The following MUCL1 variants were observed in gnomAD, a reference collection of about 807,000 sequenced individuals.
MUCL1 encodes mucin-like protein 1.
A neutral mutation model predicts 9.2 loss-of-function variants in MUCL1; 11 were observed. The observed-to-expected ratio is 1.19, with a 90% CI of 0.75 to 1.97. The LOEUF (loss-of-function observed/expected upper bound fraction) is 1.97, where lower values mean the gene tolerates loss of function less well. Among genes scored for constraint, MUCL1 ranks in the 30% most tolerant of loss-of-function variants. MUCL1 has a pLI of 0.00. For missense variants in MUCL1, 144 were observed against 110.9 expected (o/e 1.30, Z -1.34); for synonymous variants, 48 against 40.5 (o/e 1.19, Z -0.71).
chr12:54,850,510 T>A (rs1480885597), upstream of MUCL1, among the ~76,000 whole-genome samples: 3 of 152,108 alleles, frequency 2.0e-5, no homozygotes, highest in Admixed American at 2.0e-4. Context: ...TATGGCTACA[T>A]AGTATTCCAT....
intron 1 of MUCL1, among the ~76,000 whole-genome samples, chr12:54,848,986 G>T (rs1959296529): frequency 6.6e-6 from 1 of 152,162 alleles, no homozygotes; most frequent in Non-Finnish European, 1.5e-5. Context: ...AATAGCAAAA[G>T]AATACAAATG....
At chr12:54,849,456 T>TA (rs1315881782) in intron 1 of MUCL1, among the ~76,000 whole-genome samples, 1 of 152,068 alleles carries the variant, frequency 6.6e-6, no homozygotes, top group Non-Finnish European at 1.5e-5. Context: ...TTAATTTTTA[T>TA]AAAAAATACA....
upstream of MUCL1, among the ~76,000 whole-genome samples, chr12:54,852,238 A>G (rs10783682): frequency 0.45 from 68,734 of 151,960 alleles, 16,520 homozygotes; most frequent in East Asian, 0.84. Context: ...GAGGCATCAC[A>G]CTACCTGACT....
At chr12:54,836,336 T>C (rs1959193041), upstream of MUCL1, among the ~76,000 whole-genome samples, 1 of 152,218 alleles carries the variant, frequency 6.6e-6, no homozygotes, top group Non-Finnish European at 1.5e-5. Context: ...GTTGTATGTT[T>C]CTAGAAATTT....
At chr12:54,854,508 C>T (rs1868284349), upstream of MUCL1, 3 of 1,212,214 alleles carry the variant, frequency 2.5e-6, no homozygotes, top group Admixed American at 3.9e-5. Context: ...ATGTGGAATC[C>T]TGAAGTCAGC....
At chr12:54,841,289 C>T (rs75832708) in intron 1 of MUCL1, among the ~76,000 whole-genome samples, 4,017 of 152,220 alleles carry the variant, frequency 0.026, 170 homozygotes, top group African/African-American at 0.092. Flanking sequence ...TGTTGTAGAA[C>T]GATGCTGCAA....
chr12:54,841,459 A>C (rs578023334), intron 1 of MUCL1, among the ~76,000 whole-genome samples: 1 of 152,232 alleles, frequency 6.6e-6, no homozygotes, highest in East Asian at 1.9e-4. Context: ...CACTCCTACA[A>C]ACAGTATACA....
At chr12:54,838,376 T>C (rs1959196834), upstream of MUCL1, among the ~76,000 whole-genome samples, 1 of 152,208 alleles carries the variant, frequency 6.6e-6, no homozygotes, top group Admixed American at 6.5e-5. Flanking sequence ...TCCTTCACAT[T>C]GACTTTAGAT....
At chr12:54,837,995 G>A (rs917078957), upstream of MUCL1, among the ~76,000 whole-genome samples, 1 of 152,062 alleles carries the variant, frequency 6.6e-6, no homozygotes, top group South Asian at 2.1e-4. Context: ...TTGATACTTT[G>A]CTATCTTCAT....
chr12:54,847,104 C>T (rs1012767068), intron 1 of MUCL1, among the ~76,000 whole-genome samples: 9 of 152,172 alleles, frequency 5.9e-5, no homozygotes, highest in Admixed American at 3.3e-4. Flanking sequence ...CCATTTTCAT[C>T]TCATGCTTAT....
chr12:54,840,278 G>T (rs1417565376), intron 1 of MUCL1, among the ~76,000 whole-genome samples: 3 of 152,178 alleles, frequency 2.0e-5, no homozygotes, highest in Admixed American at 1.3e-4. Context: ...TAGTGTGTTG[G>T]CTTTCTCAAA....
intron 1 of MUCL1, among the ~76,000 whole-genome samples, chr12:54,833,030 G>A (rs1959187410): frequency 6.6e-6 from 1 of 151,938 alleles, no homozygotes; most frequent in African/African-American, 2.4e-5. Flanking sequence ...TTAAATTCCT[G>A]TACCAGTACA....
intron 1 of MUCL1, among the ~76,000 whole-genome samples, chr12:54,847,418 C>A (rs973100774): frequency 6.6e-6 from 1 of 152,096 alleles, no homozygotes; most frequent in Non-Finnish European, 1.5e-5. Context: ...GAGTTCAAGA[C>A]CAGCCTGACC....
rs1347965994 is a variant in MUCL1, at chr12:54,858,244, A to G, written c.*2A>G. On this transcript the variant is annotated 3_prime_UTR_variant, in exon 4 of 4. Coordinates refer to ENST00000308796, the MANE Select transcript of MUCL1 (RefSeq NM_058173.3). ...CCGAATGGTAGAGTGTGTCCCTGAG[A>G]TGGAATCAGCTTGAGTCTTCTGCAA... 6.2e-7 allele frequency: 1 copy of G among 1,613,378 alleles called. No homozygotes were observed. Among genetic ancestry groups the G allele is most frequent in the Non-Finnish European group, 8.5e-7 (1 of 1,179,580 alleles).
chr12:54,857,879 A>G (rs986928951), intron 3 of MUCL1, among the ~76,000 whole-genome samples: 2 of 152,140 alleles, frequency 1.3e-5, no homozygotes, highest in Admixed American at 1.3e-4. Flanking sequence ...TGAGTGAGAA[A>G]ATGGCTTTTC....
At chr12:54,844,939 A>G (rs1291000379) in intron 1 of MUCL1, among the ~76,000 whole-genome samples, 1 of 152,224 alleles carries the variant, frequency 6.6e-6, no homozygotes, top group African/African-American at 2.4e-5. Context: ...ACTGTGGGTG[A>G]AGAAGCTGGG....
upstream of MUCL1, among the ~76,000 whole-genome samples, chr12:54,838,321 T>G (rs1462477046): frequency 2.0e-5 from 3 of 152,190 alleles, no homozygotes; most frequent in Non-Finnish European, 4.4e-5. Context: ...ATGTTTTCCT[T>G]TATGGGTTAT....
At chr12:54,844,330 G>T (rs1305486611) in intron 1 of MUCL1, among the ~76,000 whole-genome samples, 2 of 152,106 alleles carry the variant, frequency 1.3e-5, no homozygotes, top group Admixed American at 1.3e-4. Context: ...CTGTTAGATA[G>T]ATTTTTTTTG....
At chr12:54,839,483 C>T (rs1418809461) in intron 1 of MUCL1, 2 of 701,184 alleles carry the variant, frequency 2.9e-6, no homozygotes, top group East Asian at 5.4e-5. Flanking sequence ...GGACAGAGAT[C>T]CCAGCCTTGA....
Sources: gnomAD v4.1 joint callset for allele counts (sites outside exome capture counted in the v4.1 genomes callset) on GRCh38, gnomAD v4.1.1 for gene constraint, MANE v1.5 for transcripts, NCBI Gene and HGNC (gene_info 2026-07-23, HGNC 2026-07-21) for gene names.